TRIM45: variants seen among roughly 807,000 people sequenced by gnomAD.
TRIM45 encodes tripartite motif containing 45.
A neutral mutation model predicts 46.7 loss-of-function variants in TRIM45; 45 were observed. The observed-to-expected ratio is 0.96, with a 90% confidence interval of 0.76 to 1.24. The LOEUF is 1.24. Among genes scored for constraint, TRIM45 ranks in the 50% most tolerant of loss-of-function variants. TRIM45 has a pLI of 0.00. For missense variants in TRIM45, 680 were observed against 728.4 expected, an observed-to-expected ratio of 0.93 and a Z score of 0.77; for synonymous variants, 259 against 285.8, an observed-to-expected ratio of 0.91 and a Z score of 0.94.
In TRIM45 at chr1:117,111,800, T is replaced by C. The variant is rs1289661; in HGVS notation, c.*505A>G. ...ACTAAAAACACAAAAATTAGCTGGGTGTGGGGGAAGGTGGGGGGGAACCTG... is the reference window on the plus strand; with the variant it reads ...ACTAAAAACACAAAAATTAGCTGGGCGTGGGGGAAGGTGGGGGGGAACCTG... On this transcript the variant is annotated 3_prime_UTR_variant, in exon 6 of 6. Coordinates refer to ENST00000256649, the MANE Select transcript of TRIM45 (RefSeq NM_025188.4). 17,989 of 148,224 alleles carry C rather than the reference T, an allele frequency of 0.12. 1,374 individuals carry two copies. Among genetic ancestry groups the C allele is most frequent in the African/African-American group, 0.21 (8,517 of 40,026 alleles). The allele number at this position is 148,224 out of a possible 1,614,324, so 9.2% of individuals were successfully genotyped here.
upstream of TRIM45, among the ~76,000 whole-genome samples, chr1:117,123,812 G>A (rs1423734257): frequency 1.3e-5 from 2 of 152,046 alleles, no homozygotes; most frequent in African/African-American, 4.8e-5. Context: ...TGTATTTTTA[G>A]TAGAGACTGG....
chr1:117,114,920 C>G (rs1394445122), intron 4 of TRIM45, among the ~76,000 whole-genome samples: 3 of 152,080 alleles, frequency 2.0e-5, no homozygotes, highest in African/African-American at 7.2e-5. Context: ...CCTCTGACTA[C>G]TCCAATGTCA....
Position 117,116,943 on chromosome 1 carries a change from C to CA in TRIM45, c.1223-199dup, listed in dbSNP as rs1650425491. On this transcript the variant is annotated intron_variant, in intron 2 of 5. Coordinates refer to ENST00000256649, the MANE Select transcript of TRIM45 (RefSeq NM_025188.4). This position sits in a 1 kb window ranked among gnomAD's most constrained non-coding sequence, Gnocchi z 4.6. Reference sequence around the variant, plus strand: ...TGGTTGGCCTGGTTCTCTCAGCTAGCAGCTGCTTTGGATCACACAGGATCC... The same window carrying CA: ...TGGTTGGCCTGGTTCTCTCAGCTAGCAAGCTGCTTTGGATCACACAGGATCC... 1.3e-5 allele frequency among the ~76,000 whole-genome samples: 2 copies of CA among 152,118 alleles called. No homozygotes were observed. The highest frequency in any genetic ancestry group is 1.3e-4 in the Admixed American group (2 of 15,270).
chr1:117,123,718 C>G (rs1163917083), upstream of TRIM45, among the ~76,000 whole-genome samples: 2 of 152,062 alleles, frequency 1.3e-5, no homozygotes, highest in Non-Finnish European at 2.9e-5. Context: ...CAACCTCCAC[C>G]TCCAGGGTTC....
rs968621736 is a variant in TRIM45, at chr1:117,112,032, C to T, written c.*273G>A. Reference sequence around the variant, plus strand: ...CCCTTCAGTGCCAATGGAATAGATACCTCCATACTGTACAAAATGAAAAGG... The same window carrying T: ...CCCTTCAGTGCCAATGGAATAGATATCTCCATACTGTACAAAATGAAAAGG... On this transcript the variant is annotated 3_prime_UTR_variant, in exon 6 of 6. Coordinates refer to ENST00000256649, the MANE Select transcript of TRIM45 (RefSeq NM_025188.4). 1 of 311,454 alleles carries T rather than the reference C, an allele frequency of 3.2e-6. No individual in the cohort carries two copies. The highest frequency in any genetic ancestry group is 5.8e-6 in the Non-Finnish European group (1 of 172,982). The allele number at this position is 311,454 out of a possible 1,614,324, so 19.3% of individuals were successfully genotyped here.
rs552702236 is a variant in TRIM45 at position 117,116,394 on chromosome 1, C to T, written c.1352+222G>A. ...GATTATAGGCATATGCCTCCACTCC[C>T]GGCTAATTTTTTTTTTTTTAATTTT... On this transcript the variant is annotated intron_variant, in intron 3 of 5. Coordinates refer to ENST00000256649, the MANE Select transcript of TRIM45 (RefSeq NM_025188.4). This position sits in a 1 kb window ranked among gnomAD's most constrained non-coding sequence, Gnocchi z 4.6. Among the ~76,000 whole-genome samples, 5 of 151,948 alleles carry T rather than the reference C, an allele frequency of 3.3e-5. No individual in the cohort carries two copies. The highest frequency in any genetic ancestry group is 7.3e-5 in the African/African-American group (3 of 41,362).
chr1:117,121,576 C>G lies in TRIM45; in HGVS notation c.-375G>C. On this transcript the variant is annotated 5_prime_UTR_variant, in exon 1 of 6. Coordinates refer to ENST00000256649, the MANE Select transcript of TRIM45 (RefSeq NM_025188.4). The surrounding 1 kb of genome is among the most constrained non-coding windows in gnomAD (Gnocchi z 4.2). ...CCCCCTCCCGCCGCCCGCCCCACTGCGCGCCACACGCGACAAGCGCCGACC... is the reference window on the plus strand; with the variant it reads ...CCCCCTCCCGCCGCCCGCCCCACTGGGCGCCACACGCGACAAGCGCCGACC... The G allele has an allele frequency of 4.2e-6, 2 of 471,490 alleles. No individual in the cohort carries two copies. The highest frequency in any genetic ancestry group is 2.1e-5 in the African/African-American group (1 of 47,654). The allele number at this position is 471,490 out of a possible 1,614,324, so 29.2% of individuals were successfully genotyped here.
Position 117,116,602 on chromosome 1 carries a change from T to C in TRIM45, c.1352+14A>G. On this transcript the variant is annotated intron_variant, in intron 3 of 5. Transcript: ENST00000256649. This position sits in a 1 kb window ranked among gnomAD's most constrained non-coding sequence, Gnocchi z 4.6. ...CTGCCTGTTATCCATGACACCTAATTGTGTCATACAAACCTGTCTTTCTTA... is the reference window on the plus strand; with the variant it reads ...CTGCCTGTTATCCATGACACCTAATCGTGTCATACAAACCTGTCTTTCTTA... 1 of 1,612,808 alleles carries C rather than the reference T, an allele frequency of 6.2e-7. No individual in the cohort carries two copies. The highest frequency in any genetic ancestry group is 8.5e-7 in the Non-Finnish European group (1 of 1,179,542).
At position 117,115,043 on chromosome 1, in the gene TRIM45, G is replaced by A. The variant is rs914093412; in HGVS notation, c.1467+532C>T. Among the ~76,000 whole-genome samples the A allele has an allele frequency of 6.6e-6, 1 of 152,130 alleles. No individual in the cohort carries two copies. Among genetic ancestry groups the A allele is most frequent in the African/African-American group, 2.4e-5 (1 of 41,414 alleles). On this transcript the variant is annotated intron_variant, in intron 4 of 5. Coordinates refer to ENST00000256649, the MANE Select transcript of TRIM45 (RefSeq NM_025188.4). This position sits in a 1 kb window ranked among gnomAD's most constrained non-coding sequence, Gnocchi z 4.2. Reference sequence around the variant, plus strand: ...ACTTGTTTGTAGAAACCATGGTAACGTAACTTGTTTGGTATATTTGTTTGT... The same window carrying A: ...ACTTGTTTGTAGAAACCATGGTAACATAACTTGTTTGGTATATTTGTTTGT...
Position 117,118,916 on chromosome 1 carries a change from G to A in TRIM45, c.489-149C>T. On this transcript the variant is annotated intron_variant, in intron 1 of 5. Coordinates refer to ENST00000256649, the MANE Select transcript of TRIM45 (RefSeq NM_025188.4). The surrounding 1 kb of genome is among the most constrained non-coding windows in gnomAD (Gnocchi z 5.7). ...AATCTCTAATTGCATGAACCTCTCT[G>A]ATTCCAGTTTCTCATCTGTACAGTG... 9.4e-7 allele frequency: 1 copy of A among 1,067,142 alleles called. No individual in the cohort carries two copies. Among genetic ancestry groups the A allele is most frequent in the Non-Finnish European group, 1.3e-6 (1 of 751,998 alleles). 66.1% of individuals were successfully genotyped at this position (1,067,142 alleles called of 1,614,324 possible).
Position 117,121,502 on chromosome 1 carries a change from C to A in TRIM45, c.-301G>T. 1.9e-6 allele frequency: 1 copy of A among 529,024 alleles called. No individual in the cohort carries two copies. Among genetic ancestry groups the A allele is most frequent in the Non-Finnish European group, 3.3e-6 (1 of 301,378 alleles). 32.8% of individuals were successfully genotyped at this position (529,024 alleles called of 1,614,324 possible). A position where few individuals can be genotyped will look rare whatever the true frequency, so the allele number is the denominator to read the frequency against. On this transcript the variant is annotated 5_prime_UTR_variant, in exon 1 of 6. The change creates a new upstream start codon in the 5' untranslated region. Transcript: ENST00000256649. The surrounding 1 kb of genome is among the most constrained non-coding windows in gnomAD (Gnocchi z 4.2). ...TCCAGGTCTAGCTCTCCAGCTAGTC[C>A]TGCTGCCAACAAAGTCACCCCTGCA...
In TRIM45 at chr1:117,117,888, G is replaced by T; in HGVS notation, c.1222+146C>A. 1 of 1,057,576 alleles carries T rather than the reference G, an allele frequency of 9.5e-7. No homozygotes were observed. Among genetic ancestry groups the T allele is most frequent in the Non-Finnish European group, 1.4e-6 (1 of 730,624 alleles). 65.5% of individuals were successfully genotyped at this position (1,057,576 alleles called of 1,614,324 possible). A position where few individuals can be genotyped will look rare whatever the true frequency, so the allele number is the denominator to read the frequency against. Reference sequence around the variant, plus strand: ...ACAAACCAGAAAGGGCAAAGGTGGGGGTCACTGTCTTTCAGATCAGTTTAT... The same window carrying T: ...ACAAACCAGAAAGGGCAAAGGTGGGTGTCACTGTCTTTCAGATCAGTTTAT... On this transcript the variant is annotated intron_variant, in intron 2 of 5. Coordinates refer to ENST00000256649, the MANE Select transcript of TRIM45 (RefSeq NM_025188.4). This position sits in a 1 kb window ranked among gnomAD's most constrained non-coding sequence, Gnocchi z 4.9.
rs1249219961 is a variant in TRIM45 at position 117,116,703 on chromosome 1, A to G, written c.1265T>C (p.Leu422Pro). Residue 422 changes from leucine to proline, a missense_variant, in exon 3 of 6, where the codon CTG (leucine) becomes CCG (proline). Transcript: ENST00000256649. The surrounding 1 kb of genome is among the most constrained non-coding windows in gnomAD (Gnocchi z 4.6). ...TTCTCCTGCGGCATCCTTACAAAGC[A>G]GGGTGAAAGAGGCCGTCTGTTTCTC... ...AREKQTASFT[L>P]LCKDAAGEIM... is the part of the protein sequence containing the mutation. The G allele has an allele frequency of 6.2e-7, 1 of 1,614,174 alleles. No individual in the cohort carries two copies. Among genetic ancestry groups the G allele is most frequent in the African/African-American group, 1.3e-5 (1 of 75,052 alleles).
In TRIM45 at chr1:117,121,725, GC is replaced by G. The variant is rs1557849960; in HGVS notation, c.-525del. The G allele has an allele frequency of 3.3e-6, 2 of 602,990 alleles. No individual in the cohort carries two copies. The highest frequency in any genetic ancestry group is 6.3e-5 in the East Asian group (2 of 31,702). 37.4% of individuals were successfully genotyped at this position (602,990 alleles called of 1,614,324 possible). On this transcript the variant is annotated 5_prime_UTR_variant, in exon 1 of 6. Transcript: ENST00000256649. The surrounding 1 kb of genome is among the most constrained non-coding windows in gnomAD (Gnocchi z 4.2). The stretch of plus-strand genomic sequence containing the variant: ...TGTCCACCGCCTCTCCCGCGCCTCG[GC>G]CCGGGACGCCCGCGGGCTCTGGCCC...
rs767104007 is a variant in TRIM45, at chr1:117,115,594, A to T, written c.1448T>A (p.Ile483Asn). Residue 483 changes from isoleucine to asparagine, a missense_variant, in exon 4 of 6, where the codon ATC becomes AAC. By Grantham distance (149) the Ile-to-Asn change is moderately radical. This residue lies in a region of TRIM45 where 322 missense variants were observed against 359.3 expected (regional missense o/e 0.90). Coordinates refer to ENST00000256649, the MANE Select transcript of TRIM45 (RefSeq NM_025188.4). This position sits in a 1 kb window ranked among gnomAD's most constrained non-coding sequence, Gnocchi z 4.2. The part of the protein sequence containing the change: ...EPGVYTVWVC[I>N]KEQHVQGSPF... ...TCTTACCTGCACATGCTGTTCTTTG[A>T]TGCAGACCCACACAGTATAGACGCC... is the stretch of plus-strand genomic sequence containing the variant. 3.1e-6 allele frequency: 5 copies of T among 1,613,922 alleles called. No individual in the cohort carries two copies. The East Asian group carries it at 8.9e-5, about 29-fold the overall frequency.
chr1:117,112,069 G>T lies in TRIM45; in HGVS notation c.*236C>A. On this transcript the variant is annotated 3_prime_UTR_variant, in exon 6 of 6. Transcript: ENST00000256649. ...ACAAAATGAAAAGGAGTATCCTGTGGTAGAAAAAGAACGTTGCCAACCTAC... is the reference window on the plus strand; with the variant it reads ...ACAAAATGAAAAGGAGTATCCTGTGTTAGAAAAAGAACGTTGCCAACCTAC... 1 of 406,182 alleles carries T rather than the reference G, an allele frequency of 2.5e-6. No individual in the cohort carries two copies. The allele number at this position is 406,182 out of a possible 1,614,324, so 25.2% of individuals were successfully genotyped here. A position where few individuals can be genotyped will look rare whatever the true frequency, so the allele number is the denominator to read the frequency against.
rs1441168900 is a variant in TRIM45, at chr1:117,120,958, T to C, written c.244A>G (p.Lys82Glu). ...ATCTGCGACTGCAGACTTCGTGGCT[T>C]GAGTTCCTGGAATATTGACCCCTCA... Reference protein sequence around the residue: ...SSEGSIFQELKPRSLQSQIGI... With the variant: ...SSEGSIFQELEPRSLQSQIGI... Residue 82 changes from lysine to glutamate, a missense_variant, in exon 1 of 6, where the codon AAG (lysine) becomes GAG (glutamate). Around this residue, in one of 3 missense-constraint regions of TRIM45, gnomAD observed 349 missense variants for 343.6 expected, o/e 1.02. Coordinates refer to ENST00000256649, the MANE Select transcript of TRIM45 (RefSeq NM_025188.4). The C allele has an allele frequency of 3.7e-6, 6 of 1,613,986 alleles. No homozygotes were observed. The Admixed American group carries it at 1.0e-4, about 27-fold the overall frequency.
In TRIM45 at chr1:117,112,378, T is replaced by C. The variant is rs1235323652; in HGVS notation, c.1670A>G (p.Asn557Ser). The C allele has an allele frequency of 1.2e-6, 2 of 1,614,136 alleles. No homozygotes were observed. The highest frequency in any genetic ancestry group is 1.7e-6 in the Non-Finnish European group (2 of 1,180,002). Residue 557 changes from asparagine to serine, a missense_variant, in exon 6 of 6, where the codon AAT becomes AGT. Asn to Ser is a conservative substitution (Grantham distance 46). This residue lies in a region of TRIM45 where 322 missense variants were observed against 359.3 expected (regional missense o/e 0.90). Transcript: ENST00000256649. ...HPHWSCCGKF[N>S]EKSECTWTGG... ...TGTCCATGTGCATTCAGATTTCTCA[T>C]TAAATTTTCCACAGCATGACCAGTG...
In TRIM45 at chr1:117,121,178, C is replaced by A; in HGVS notation, c.24G>T (p.Leu8=). 1 of 1,565,930 alleles carries A rather than the reference C, an allele frequency of 6.4e-7. No homozygotes were observed. Among genetic ancestry groups the A allele is most frequent in the Non-Finnish European group, 8.6e-7 (1 of 1,159,524 alleles). The change falls in exon 1 of 6, where the codon CTG becomes CTT. Residue 8 remains leucine, a synonymous_variant. Coordinates refer to ENST00000256649, the MANE Select transcript of TRIM45 (RefSeq NM_025188.4). The surrounding 1 kb of genome is among the most constrained non-coding windows in gnomAD (Gnocchi z 4.2). ...TAGTGAGTTTGCTTACAAAGCCCAGCAGCGGTTTTCTGTTTTCTGACATAC... is the reference window on the plus strand; with the variant it reads ...TAGTGAGTTTGCTTACAAAGCCCAGAAGCGGTTTTCTGTTTTCTGACATAC... MSENRKP[L]LGFVSKLTSG... is the part of the protein sequence containing the mutation.
Sources: allele counts gnomAD v4.1 joint callset (sites outside exome capture counted in the v4.1 genomes callset), GRCh38; gene constraint gnomAD v4.1.1; regional missense constraint gnomAD v4.1.1; non-coding constraint Gnocchi (gnomAD v3.1); transcripts MANE v1.5; gene names NCBI Gene and HGNC (gene_info 2026-07-23, HGNC 2026-07-21).